The following LRRC4C variants were observed in gnomAD, a reference collection of about 807,000 sequenced individuals.
LRRC4C encodes leucine-rich repeat-containing protein 4C.
In LRRC4C, 5 loss-of-function variants were observed where a neutral mutation model predicts 33.6. That is an observed-to-expected ratio of 0.15 (90% CI 0.08 to 0.31). LRRC4C has a LOEUF of 0.31. Among genes scored for constraint, LRRC4C ranks in the 10% least tolerant of loss-of-function variants. The pLI is 1.00. For synonymous variants in LRRC4C, 329 were observed against 302.0 expected, an observed-to-expected ratio of 1.09 and a Z score of -0.93; for missense variants, 560 against 796.7, an observed-to-expected ratio of 0.70 and a Z score of 3.58.
chr11:40,610,754 G>A (rs4589288), intron 3 of LRRC4C, among the ~76,000 whole-genome samples: 65,522 of 151,460 alleles, frequency 0.43, 15,229 homozygotes, highest in Middle Eastern at 0.57. Context: ...AGCAAATTAA[G>A]GAAACAGTCC....
At chr11:41,266,872 T>C (rs980157837) in intron 1 of LRRC4C, among the ~76,000 whole-genome samples, 1 of 152,120 alleles carries the variant, frequency 6.6e-6, no homozygotes, top group African/African-American at 2.4e-5. Context: ...ATGATTGATA[T>C]GAAATATATG....
intron 5 of LRRC4C, among the ~76,000 whole-genome samples, chr11:40,198,551 T>A (rs919053761): frequency 6.6e-6 from 1 of 152,220 alleles, no homozygotes; most frequent in East Asian, 1.9e-4. Context: ...TTTATTCCTT[T>A]GAGAGAGTTC....
intron 1 of LRRC4C, among the ~76,000 whole-genome samples, chr11:41,040,477 C>T (rs924778076): frequency 1.3e-4 from 20 of 152,198 alleles, no homozygotes; most frequent in Non-Finnish European, 2.6e-4. Context: ...AACTAATCAA[C>T]GTTTCACTGA....
intron 1 of LRRC4C, among the ~76,000 whole-genome samples, chr11:41,405,473 G>C (rs11827442): frequency 6.6e-6 from 1 of 152,010 alleles, no homozygotes. Flanking sequence ...AATTTCTTTA[G>C]GCTCTGATAG....
At chr11:40,561,017 C>A (rs1489916773) in intron 3 of LRRC4C, among the ~76,000 whole-genome samples, 2 of 152,150 alleles carry the variant, frequency 1.3e-5, no homozygotes, top group African/African-American at 4.8e-5. Context: ...CTTCTTTTCT[C>A]AATGTAACAC....
At chr11:40,188,539 T>G (rs762296300) in intron 5 of LRRC4C, among the ~76,000 whole-genome samples, 2 of 152,240 alleles carry the variant, frequency 1.3e-5, no homozygotes, top group African/African-American at 4.8e-5. Context: ...TTTCTACTCA[T>G]GCATACTTTC....
intron 1 of LRRC4C, among the ~76,000 whole-genome samples, chr11:41,201,950 C>T (rs1330483534): frequency 1.3e-5 from 2 of 150,526 alleles, no homozygotes; most frequent in Non-Finnish European, 3.0e-5. Context: ...ACACACAAGT[C>T]CAGCAAATGC....
intron 5 of LRRC4C, among the ~76,000 whole-genome samples, chr11:40,146,875 C>T (rs1445300613): frequency 6.6e-6 from 1 of 152,142 alleles, no homozygotes; most frequent in Non-Finnish European, 1.5e-5. Context: ...AACTCTGTGT[C>T]AGCCTGACAT....
intron 1 of LRRC4C, among the ~76,000 whole-genome samples, chr11:41,138,436 A>T (rs1315855728): frequency 1.3e-5 from 2 of 152,200 alleles, no homozygotes; most frequent in African/African-American, 4.8e-5. Flanking sequence ...GACTGATTCA[A>T]TGACACCATT....
intron 3 of LRRC4C, among the ~76,000 whole-genome samples, chr11:40,372,545 C>A (rs1472210002): frequency 1.3e-5 from 2 of 152,174 alleles, no homozygotes; most frequent in African/African-American, 4.8e-5. Context: ...TCAGCGAATT[C>A]TCTTTTGCCG....
rs546290239 is a variant in LRRC4C, at chr11:40,728,649, T to A, written c.-406-80371A>T. Among the ~76,000 whole-genome samples the A allele has an allele frequency of 1.0e-3, 131 of 125,590 alleles. 6 individuals carry two copies. The South Asian group carries it at 0.028, about 27-fold the overall frequency. 82.4% of individuals were successfully genotyped at this position (125,590 alleles called of 152,430 possible). On this transcript the variant is annotated intron_variant, in intron 2 of 6. Transcript: ENST00000528697. ...TCAAAAAAAAAAAAAAAAAAAAAAA[T>A]TCATGTTATCAAAAAGACATATGTA...
intron 2 of LRRC4C, among the ~76,000 whole-genome samples, chr11:40,861,882 AG>A (rs1314167283): frequency 6.6e-6 from 1 of 152,172 alleles, no homozygotes; most frequent in East Asian, 1.9e-4. Context: ...TTAAACAAAC[AG>A]TTCTCAGCGT....
At chr11:40,191,994 T>A (rs1278934082) in intron 5 of LRRC4C, among the ~76,000 whole-genome samples, 1 of 152,080 alleles carries the variant, frequency 6.6e-6, no homozygotes, top group African/African-American at 2.4e-5. Context: ...ATAATTGTTA[T>A]ATATATATGT....
intron 1 of LRRC4C, among the ~76,000 whole-genome samples, chr11:41,265,810 C>T (rs1439422003): frequency 2.0e-5 from 3 of 151,918 alleles, no homozygotes; most frequent in Non-Finnish European, 4.4e-5. Flanking sequence ...TACCTGCCTT[C>T]CTTAAAATAC....
At chr11:40,835,866 A>G (rs1312387169) in intron 2 of LRRC4C, among the ~76,000 whole-genome samples, 3 of 152,142 alleles carry the variant, frequency 2.0e-5, no homozygotes, top group African/African-American at 7.2e-5. Context: ...ATACAATGTC[A>G]ATTAAATTTG....
chr11:40,278,033 A>G (rs1943235097), intron 4 of LRRC4C, among the ~76,000 whole-genome samples: 1 of 152,200 alleles, frequency 6.6e-6, no homozygotes, highest in Non-Finnish European at 1.5e-5. Flanking sequence ...TTTGAGAAAT[A>G]TATGAACTTG....
At chr11:41,198,622 G>C (rs1220710649) in intron 1 of LRRC4C, among the ~76,000 whole-genome samples, 1 of 86,858 alleles carries the variant, frequency 1.2e-5, no homozygotes, top group East Asian at 3.7e-4. Context: ...ATAGAGGGGA[G>C]AGGAAAAAAA....
At chr11:41,362,295 A>C (rs1252032927) in intron 1 of LRRC4C, among the ~76,000 whole-genome samples, 1 of 152,186 alleles carries the variant, frequency 6.6e-6, no homozygotes, top group Admixed American at 6.5e-5. Context: ...CTAAAAGAAA[A>C]AAACATTTTT....
chr11:40,291,020 C>T (rs944065560), intron 4 of LRRC4C, among the ~76,000 whole-genome samples: 2 of 152,118 alleles, frequency 1.3e-5, no homozygotes, highest in African/African-American at 2.4e-5. Flanking sequence ...CTGTCTCATG[C>T]TGTTTGGCCA....
Sources: gnomAD v4.1 joint callset for allele counts (sites outside exome capture counted in the v4.1 genomes callset) on GRCh38, gnomAD v4.1.1 for gene constraint, MANE v1.5 for transcripts, NCBI Gene and HGNC (gene_info 2026-07-23, HGNC 2026-07-21) for gene names.